The following PCDH11Y variants were observed in gnomAD, a reference collection of about 807,000 sequenced individuals.
The protein encoded by PCDH11Y is protocadherin-11 Y-linked.
For synonymous variants in PCDH11Y, 9 were observed against 83.6 expected (o/e 0.11, Z 4.87); for missense variants, 12 against 224.8 (o/e 0.05, Z 6.05).
At chrY:5,619,291 C>A in intron 4 of PCDH11Y, among the ~76,000 whole-genome samples, 1 of 32,634 alleles carries the variant, frequency 3.1e-5, no homozygotes, top group African/African-American at 1.2e-4. Flanking sequence ...CATTCTTTGA[C>A]ACACAGAATA....
chrY:5,426,811 C>T, intron 2 of PCDH11Y, among the ~76,000 whole-genome samples: 1 of 32,983 alleles, frequency 3.0e-5, no homozygotes, highest in South Asian at 6.5e-4. Context: ...CACAAGAACA[C>T]ATGCAAAAAG....
At chrY:5,196,677 G>A in intron 2 of PCDH11Y, among the ~76,000 whole-genome samples, 1 of 20,527 alleles carries the variant, frequency 4.9e-5, no homozygotes, top group African/African-American at 2.0e-4. Context: ...ATTCTAACTG[G>A]TGTGAGATGG....
At chrY:5,059,459 C>T in intron 1 of PCDH11Y, among the ~76,000 whole-genome samples, 2 of 32,987 alleles carry the variant, frequency 6.1e-5, no homozygotes, top group Admixed American at 5.5e-4. Flanking sequence ...CAGATATTAG[C>T]AATAGGGTCT....
At chrY:5,711,664 C>T (rs2124713114) in intron 4 of PCDH11Y, among the ~76,000 whole-genome samples, 1 of 31,334 alleles carries the variant, frequency 3.2e-5, no homozygotes, top group African/African-American at 1.3e-4. Context: ...GTGGCATGCA[C>T]CTGTAGTCCC....
chrY:5,253,749 A>G (rs2053006815), intron 2 of PCDH11Y, among the ~76,000 whole-genome samples: 1 of 33,644 alleles, frequency 3.0e-5, no homozygotes, highest in African/African-American at 1.2e-4. Flanking sequence ...CTGCTGATTA[A>G]AGGAGACTTC....
chrY:5,392,273 G>A, intron 2 of PCDH11Y, among the ~76,000 whole-genome samples: 2 of 29,917 alleles, frequency 6.7e-5, no homozygotes, highest in Admixed American at 6.2e-4. Context: ...GGGAGGCTGA[G>A]GCAGGAGAAT....
chrY:5,019,803 C>G, intron 1 of PCDH11Y, among the ~76,000 whole-genome samples: 8 of 30,744 alleles, frequency 2.6e-4, no homozygotes, highest in Non-Finnish European at 6.2e-4. Context: ...TTTTGTAGGA[C>G]TTAGGTTGTC....
At chrY:5,092,536 C>A in intron 1 of PCDH11Y, among the ~76,000 whole-genome samples, 1 of 32,152 alleles carries the variant, frequency 3.1e-5, no homozygotes, top group African/African-American at 1.2e-4. Flanking sequence ...TTTAGACAGC[C>A]TATAGCAAAC....
At chrY:5,588,082 G>T (rs1449840094) in intron 4 of PCDH11Y, among the ~76,000 whole-genome samples, 1 of 18,178 alleles carries the variant, frequency 5.5e-5, no homozygotes, top group Non-Finnish European at 1.2e-4. Context: ...TAAATTTTTT[G>T]TCAGTCAGTT....
intron 2 of PCDH11Y, among the ~76,000 whole-genome samples, chrY:5,340,037 C>T (rs2124668639): frequency 3.1e-5 from 1 of 32,288 alleles, no homozygotes; most frequent in East Asian, 8.3e-4. Flanking sequence ...CTCACAGGAT[C>T]ACAAGATGAA....
rs1602937835 is a variant in PCDH11Y, at chrY:5,524,093, G to T, written c.3328+22838G>T. 1.2e-4 allele frequency among the ~76,000 whole-genome samples: 4 copies of T among 34,002 alleles called. No homozygotes were observed. In the East Asian group the frequency reaches 2.3e-3, roughly 20 times the overall value. 91.2% of individuals were successfully genotyped at this position (34,002 alleles called of 37,273 possible). A position where few individuals can be genotyped will look rare whatever the true frequency, so the allele number is the denominator to read the frequency against. Reference sequence around the variant, plus strand: ...GGAAAATGGAAAAATAAGAGAATTTGTATAAGTAGTAAAGACTGCTTTCTT... The same window carrying T: ...GGAAAATGGAAAAATAAGAGAATTTTTATAAGTAGTAAAGACTGCTTTCTT... On this transcript the variant is annotated intron_variant, in intron 3 of 4. Transcript: ENST00000400457.
chrY:5,002,521 A>T, intron 1 of PCDH11Y, among the ~76,000 whole-genome samples: 1 of 32,829 alleles, frequency 3.0e-5, no homozygotes, highest in African/African-American at 1.2e-4. Context: ...CAATCCCAGC[A>T]GGAAATTCCA....
intron 2 of PCDH11Y, among the ~76,000 whole-genome samples, chrY:5,407,174 TA>T (rs2053239639): frequency 3.3e-5 from 1 of 30,153 alleles, no homozygotes; most frequent in African/African-American, 1.3e-4. Context: ...GAACTAAAAG[TA>T]ATTAACAAGA....
intron 2 of PCDH11Y, among the ~76,000 whole-genome samples, chrY:5,115,691 AC>A (rs2052808259): frequency 3.3e-5 from 1 of 30,261 alleles, no homozygotes; most frequent in African/African-American, 1.3e-4. Flanking sequence ...CAAATATGCT[AC>A]CTGCTTCCTG....
At chrY:5,493,137 A>G (rs1602933659) in intron 2 of PCDH11Y, among the ~76,000 whole-genome samples, 26 of 33,440 alleles carry the variant, frequency 7.8e-4, no homozygotes, top group Admixed American at 2.7e-3. Context: ...TTTTACTAAC[A>G]TTAAACAAGA....
At chrY:5,258,909 ATTATTGTGTT>A (rs2053014507) in intron 2 of PCDH11Y, among the ~76,000 whole-genome samples, 1 of 33,352 alleles carries the variant, frequency 3.0e-5, no homozygotes, top group Admixed American at 2.8e-4. Context: ...GTCTCCAGCT[ATTATTGTGTT>A]GGGGTCTATT....
chrY:5,185,376 G>A (rs2052905247), intron 2 of PCDH11Y, among the ~76,000 whole-genome samples: 1 of 33,071 alleles, frequency 3.0e-5, no homozygotes, highest in Non-Finnish European at 7.4e-5. Context: ...ACCACACCTG[G>A]CCAGGTTTCA....
At chrY:5,120,170 G>T in intron 2 of PCDH11Y, among the ~76,000 whole-genome samples, 1 of 32,573 alleles carries the variant, frequency 3.1e-5, no homozygotes, top group African/African-American at 1.2e-4. Context: ...GTGATATCAA[G>T]ATGTCTAATC....
chrY:5,675,536 G>A, intron 4 of PCDH11Y, among the ~76,000 whole-genome samples: 3 of 33,364 alleles, frequency 9.0e-5, no homozygotes, highest in Non-Finnish European at 2.2e-4. Flanking sequence ...CCAAGACAAG[G>A]CAAGTCACTT....
Sources: allele counts gnomAD v4.1 joint callset (sites outside exome capture counted in the v4.1 genomes callset), GRCh38; gene constraint gnomAD v4.1.1; transcripts MANE v1.5; gene names NCBI Gene and HGNC (gene_info 2026-07-23, HGNC 2026-07-21).